Variants in MRTFA observed in about 807,000 individuals in gnomAD.
The protein encoded by MRTFA is myocardin related transcription factor A.
MRTFA carries 20 observed loss-of-function variants against 83.5 expected under a neutral mutation model. The ratio of observed to expected loss-of-function variants is 0.24; its 90% CI spans 0.17 to 0.35. The LOEUF is 0.35. Ranked by LOEUF, MRTFA falls within the 10% of genes least tolerant of loss-of-function variation. The probability of loss-of-function intolerance (pLI) is 1.00; values close to 1 mark genes in which losing one functional copy is unlikely to be tolerated. For missense variants in MRTFA, 1,200 were observed against 1,224.7 expected (o/e 0.98, Z 0.30); for synonymous variants, 659 against 541.2 (o/e 1.22, Z -3.02).
At chr22:40,567,204 T>C (rs2055718485) in intron 2 of MRTFA, among the ~76,000 whole-genome samples, 1 of 152,200 alleles carries the variant, frequency 6.6e-6, no homozygotes. Flanking sequence ...CCAAAAAGGC[T>C]GCTTGAAAAT....
Position 40,417,065 on chromosome 22 carries a change from A to T in MRTFA, c.2518-19T>A. On this transcript the variant is annotated intron_variant, in intron 13 of 14. Coordinates refer to ENST00000355630, the MANE Select transcript of MRTFA (RefSeq NM_020831.6). Reference sequence around the variant, plus strand: ...CATTTTCCTGTGGGACAAAGGAAAAAAAAAAAAGAGATAAAAATCTTGAAT... The same window carrying T: ...CATTTTCCTGTGGGACAAAGGAAAATAAAAAAAGAGATAAAAATCTTGAAT... 2 of 1,568,990 alleles carry T rather than the reference A, an allele frequency of 1.3e-6. No individual in the cohort carries two copies. The highest frequency in any genetic ancestry group is 1.9e-5 in the Admixed American group (1 of 52,494).
intron 3 of MRTFA, among the ~76,000 whole-genome samples, chr22:40,510,063 TG>T (rs145310892): frequency 0.029 from 4,169 of 146,008 alleles, 84 homozygotes; most frequent in Middle Eastern, 0.083. Context: ...ATGAGAGCTG[TG>T]GGATGAGAGA....
intron 9 of MRTFA, among the ~76,000 whole-genome samples, chr22:40,423,170 C>G (rs1272454001): frequency 6.6e-6 from 1 of 152,252 alleles, no homozygotes; most frequent in African/African-American, 2.4e-5. Context: ...TCAGTGGCAC[C>G]TCCTGCATGA....
At chr22:40,453,006 AAC>A (rs1449050165) in intron 4 of MRTFA, among the ~76,000 whole-genome samples, 2 of 152,068 alleles carry the variant, frequency 1.3e-5, no homozygotes, top group African/African-American at 4.8e-5. Context: ...CTGAGGTAGA[AAC>A]ACACTCTACA....
chr22:40,551,454 C>T (rs9623184), intron 3 of MRTFA, among the ~76,000 whole-genome samples: 34,456 of 152,034 alleles, frequency 0.23, 4,330 homozygotes, highest in Admixed American at 0.4. Flanking sequence ...CTGCAACCTC[C>T]GCCTCCTAGT....
At chr22:40,484,106 GAT>G (rs755056343) in intron 3 of MRTFA, among the ~76,000 whole-genome samples, 2 of 151,458 alleles carry the variant, frequency 1.3e-5, no homozygotes, top group East Asian at 3.9e-4. Context: ...TAGATAATTA[GAT>G]AGACAAACAA....
intron 3 of MRTFA, among the ~76,000 whole-genome samples, chr22:40,539,228 G>C (rs964853298): frequency 1.3e-5 from 2 of 151,686 alleles, no homozygotes; most frequent in Non-Finnish European, 2.9e-5. Flanking sequence ...TTGAACTCCT[G>C]GCCTCAAGTG....
intron 3 of MRTFA, among the ~76,000 whole-genome samples, chr22:40,489,012 C>T (rs2054221470): frequency 6.6e-6 from 1 of 151,834 alleles, no homozygotes; most frequent in Non-Finnish European, 1.5e-5. Flanking sequence ...AATCATAAAA[C>T]ACCAACGTTT....
At chr22:40,492,378 T>A (rs2054286254) in intron 3 of MRTFA, among the ~76,000 whole-genome samples, 1 of 152,154 alleles carries the variant, frequency 6.6e-6, no homozygotes, top group South Asian at 2.1e-4. Flanking sequence ...TTTCTTCCTG[T>A]CAGCACTGGG....
At chr22:40,619,919 A>C (rs2056500807) in intron 1 of MRTFA, among the ~76,000 whole-genome samples, 1 of 150,504 alleles carries the variant, frequency 6.6e-6, no homozygotes, top group Non-Finnish European at 1.5e-5. Context: ...AGAAATCAGT[A>C]CTTGATGATT....
chr22:40,431,764 T>G (rs986796612), intron 5 of MRTFA, among the ~76,000 whole-genome samples: 1 of 151,634 alleles, frequency 6.6e-6, no homozygotes, highest in Non-Finnish European at 1.5e-5. Context: ...TCTACTACCA[T>G]AAAAGTAATA....
Position 40,411,818 on chromosome 22 carries a change from G to C in MRTFA, c.2668C>G (p.Gln890Glu). Reference sequence around the variant, plus strand: ...GGGAGCTCAGCAGAAGGTGATGGCTGTGCTGCCAGGGGGGACCCACAGACT... The same window carrying C: ...GGGAGCTCAGCAGAAGGTGATGGCTCTGCTGCCAGGGGGGACCCACAGACT... The change falls in exon 15 of 15, where the codon CAG becomes GAG. Residue 890 changes from glutamine to glutamate, a missense_variant. Physicochemically the swap from Gln to Glu is conservative, Grantham distance 29. This residue lies in a region of MRTFA where 1,107 missense variants were observed against 1,041.8 expected (regional missense o/e 1.06). Transcript: ENST00000355630. 1 of 1,518,200 alleles carries C rather than the reference G, an allele frequency of 6.6e-7. No homozygotes were observed. The highest frequency in any genetic ancestry group is 8.9e-7 in the Non-Finnish European group (1 of 1,129,494). 94.0% of individuals were successfully genotyped at this position (1,518,200 alleles called of 1,614,324 possible).
chr22:40,472,220 T>C (rs1206482592), intron 3 of MRTFA, among the ~76,000 whole-genome samples: 1 of 152,172 alleles, frequency 6.6e-6, no homozygotes, highest in Non-Finnish European at 1.5e-5. Flanking sequence ...CCTCATCTCT[T>C]TAAAAAGCTT....
intron 3 of MRTFA, among the ~76,000 whole-genome samples, chr22:40,485,769 C>A (rs1166902290): frequency 2.0e-5 from 3 of 152,104 alleles, no homozygotes; most frequent in Non-Finnish European, 4.4e-5. Flanking sequence ...GGAAGAATCA[C>A]TTAGAGGAGG....
At position 40,410,795 on chromosome 22, in the gene MRTFA, ATATG is replaced by A. The variant is rs1205942574; in HGVS notation, c.*591_*594del. ...CCTGTCCGCCCCCCCCCAAAAATAT[ATATG>A]TATGTCGATATATAATATAGAGGTA... On this transcript the variant is annotated 3_prime_UTR_variant, in exon 15 of 15. Transcript: ENST00000355630. The A allele has an allele frequency of 3.9e-5, 9 of 232,336 alleles. No homozygotes were observed. Among genetic ancestry groups the A allele is most frequent in the Middle Eastern group, 1.3e-3 (1 of 776 alleles). 14.4% of individuals were successfully genotyped at this position (232,336 alleles called of 1,614,324 possible). A position where few individuals can be genotyped will look rare whatever the true frequency, so the allele number is the denominator to read the frequency against.
At chr22:40,528,113 A>T (rs1214902063) in intron 3 of MRTFA, among the ~76,000 whole-genome samples, 2 of 152,130 alleles carry the variant, frequency 1.3e-5, no homozygotes, top group African/African-American at 2.4e-5. Flanking sequence ...GATCACCAAG[A>T]CCAGGGAATA....
At chr22:40,502,336 T>C (rs2054504264) in intron 3 of MRTFA, among the ~76,000 whole-genome samples, 1 of 107,028 alleles carries the variant, frequency 9.3e-6, no homozygotes, top group South Asian at 3.6e-4. Flanking sequence ...GTCTCCTCAC[T>C]TCTCAGACGG....
intron 3 of MRTFA, among the ~76,000 whole-genome samples, chr22:40,470,280 T>TATATAA (rs1569283519): frequency 2.8e-5 from 3 of 106,384 alleles, no homozygotes; most frequent in African/African-American, 7.3e-5. Flanking sequence ...TATATATATA[T>TATATAA]AAAGAAACAT....
chr22:40,566,589 G>A (rs1228065281), intron 2 of MRTFA, among the ~76,000 whole-genome samples: 1 of 152,044 alleles, frequency 6.6e-6, no homozygotes, highest in Non-Finnish European at 1.5e-5. Flanking sequence ...CAAGCACTTT[G>A]GGAGGCCCAA....
Sources: allele counts gnomAD v4.1 joint callset (sites outside exome capture counted in the v4.1 genomes callset), GRCh38; gene constraint gnomAD v4.1.1; regional missense constraint gnomAD v4.1.1; transcripts MANE v1.5; gene names NCBI Gene and HGNC (gene_info 2026-07-23, HGNC 2026-07-21).